ATP13A4: variants seen among roughly 807,000 people sequenced by gnomAD.
ATP13A4 encodes the protein ATPase 13A4, also known as probable cation-transporting ATPase 13A4.
Under a neutral mutation model 142.5 loss-of-function variants are expected in ATP13A4, and 114 were observed. That is an observed-to-expected ratio of 0.80 (90% CI 0.69 to 0.93). ATP13A4 has a LOEUF of 0.93. Among genes scored for constraint, ATP13A4 ranks in the 40% least tolerant of loss-of-function variants. ATP13A4 has a pLI of 0.00. For missense variants in ATP13A4, 1,392 were observed against 1,454.0 expected (o/e 0.96, Z 0.69); for synonymous variants, 488 against 514.8 (o/e 0.95, Z 0.70).
At chr3:193,490,546 A>G (rs1719888975) in intron 6 of ATP13A4, among the ~76,000 whole-genome samples, 2 of 152,160 alleles carry the variant, frequency 1.3e-5, no homozygotes, top group Non-Finnish European at 2.9e-5. Context: ...GTAGCTGTGA[A>G]CTTCAACAGC....
intron 3 of ATP13A4, among the ~76,000 whole-genome samples, chr3:193,502,164 C>T (rs1322863109): frequency 1.3e-5 from 2 of 152,048 alleles, no homozygotes; most frequent in African/African-American, 2.4e-5. Context: ...GAAAATAGAG[C>T]GAGTATGTAT....
In ATP13A4 at chr3:193,470,943, T is replaced by C; in HGVS notation, c.859A>G (p.Ile287Val). The C allele has an allele frequency of 1.2e-5, 19 of 1,614,134 alleles. No homozygotes were observed. Among genetic ancestry groups the C allele is most frequent in the Non-Finnish European group, 1.6e-5 (19 of 1,180,020 alleles). Residue 287 changes from isoleucine (I) to valine (V), a missense_variant, in exon 9 of 30, where the codon ATT becomes GTT. Ile to Val is a conservative substitution (Grantham distance 29). Transcript: ENST00000342695. The part of the protein sequence containing the change: ...SRVLVPGDLL[I>V]LTGNKVLMPC... ...ATTAGCACTTTGTTCCCTGTCAAAATTAATAAATCTCCAGGCACCAGGACG... is the reference window on the plus strand; with the variant it reads ...ATTAGCACTTTGTTCCCTGTCAAAACTAATAAATCTCCAGGCACCAGGACG...
At chr3:193,581,298 T>C (rs184360090) in intron 2 of ATP13A4, among the ~76,000 whole-genome samples, 1 of 152,288 alleles carries the variant, frequency 6.6e-6, no homozygotes, top group African/African-American at 2.4e-5. Context: ...TGTAGTGTTA[T>C]TTTTTTCCAT....
rs1560287337 is a variant in ATP13A4 at position 193,573,297 on chromosome 3, A to ATATATATGTG, written n.291+8409_291+8410insCACATATATA. ...TATACATATATATATATACACATAT[A>ATATATATGTG]TATATATATACATATATATATATAT... On this transcript the variant is annotated intron_variant and non_coding_transcript_variant, in intron 2 of 3. Coordinates refer to the ATP13A4 transcript ENST00000489140. 1.1e-3 allele frequency among the ~76,000 whole-genome samples: 115 copies of ATATATATGTG among 108,912 alleles called. 1 individual carries two copies. Among genetic ancestry groups the ATATATATGTG allele is most frequent in the Non-Finnish European group, 1.8e-3 (101 of 54,612 alleles). The allele number at this position is 108,912 out of a possible 152,430, so 71.5% of individuals were successfully genotyped here. A position where few individuals can be genotyped will look rare whatever the true frequency, so the allele number is the denominator to read the frequency against.
Position 193,506,734 on chromosome 3 carries a change from A to C in ATP13A4, c.235-4095T>G, listed in dbSNP as rs147340589. ...CTGTTCTCATGATAGTGAGTAAGTT[A>C]TCACGAGCTCTGATGGCTTTATAAG... On this transcript the variant is annotated intron_variant, in intron 2 of 29. Coordinates refer to ENST00000342695, the MANE Select transcript of ATP13A4 (RefSeq NM_032279.4). 6.5e-3 allele frequency among the ~76,000 whole-genome samples: 997 copies of C among 152,236 alleles called. 6 individuals are homozygous for C. The highest frequency in any genetic ancestry group is 0.011 in the Non-Finnish European group (755 of 68,012).
intron 25 of ATP13A4, among the ~76,000 whole-genome samples, chr3:193,427,490 C>T (rs1414978426): frequency 6.6e-6 from 1 of 152,114 alleles, no homozygotes; most frequent in Non-Finnish European, 1.5e-5. Context: ...GCCCACATTG[C>T]CAAGACAATC....
chr3:193,584,525 CA>C (rs1196848583), intron 1 of ATP13A4, among the ~76,000 whole-genome samples: 1 of 152,142 alleles, frequency 6.6e-6, no homozygotes, highest in Non-Finnish European at 1.5e-5. Flanking sequence ...ACACAGCACA[CA>C]AGGCTCTTTG....
Position 193,475,848 on chromosome 3 carries a change from TA to T in ATP13A4, c.809-4856del, listed in dbSNP as rs145428493. Reference sequence around the variant, plus strand: ...GTTACAAACAGGAAAAAAAGAATTCTAAAACCATCTTAAATTGTTTTTAGGA... The same window carrying T: ...GTTACAAACAGGAAAAAAAGAATTCTAAACCATCTTAAATTGTTTTTAGGA... On this transcript the variant is annotated intron_variant, in intron 8 of 29. Transcript: ENST00000342695. Among the ~76,000 whole-genome samples the T allele has an allele frequency of 4.3e-3, 647 of 152,164 alleles. 2 individuals carry two copies. The highest frequency in any genetic ancestry group is 8.0e-3 in the Non-Finnish European group (541 of 68,004).
chr3:193,480,017 G>A (rs1161979318), intron 8 of ATP13A4, among the ~76,000 whole-genome samples: 2 of 152,048 alleles, frequency 1.3e-5, no homozygotes, highest in East Asian at 1.9e-4. Context: ...AGTGGTGAAA[G>A]GTCACCCTAG....
At chr3:193,457,878 T>G (rs1390867511) in intron 14 of ATP13A4, among the ~76,000 whole-genome samples, 1 of 152,210 alleles carries the variant, frequency 6.6e-6, no homozygotes, top group Non-Finnish European at 1.5e-5. Flanking sequence ...GGATGGATGG[T>G]TCTCAGGGCT....
At chr3:193,442,335 G>A in intron 19 of ATP13A4, 58 bp downstream of exon 19, 1 of 1,564,566 alleles carries the variant, frequency 6.4e-7, no homozygotes, top group South Asian at 1.1e-5. Flanking sequence ...AAGCTGCTCA[G>A]TCACCAACAC....
At chr3:193,449,694 C>T (rs189786522) in intron 17 of ATP13A4, among the ~76,000 whole-genome samples, 1 of 152,352 alleles carries the variant, frequency 6.6e-6, no homozygotes, top group Admixed American at 6.5e-5. Context: ...TAGACATTTG[C>T]TTTAGACTGC....
intron 1 of ATP13A4, among the ~76,000 whole-genome samples, chr3:193,527,909 T>C (rs1367134030): frequency 6.6e-6 from 1 of 152,158 alleles, no homozygotes; most frequent in Non-Finnish European, 1.5e-5. Context: ...GGTATTTCTC[T>C]ACAGAACTAC....
At chr3:193,451,156 T>C (rs375582807) in intron 17 of ATP13A4, among the ~76,000 whole-genome samples, 37 of 152,272 alleles carry the variant, frequency 2.4e-4, no homozygotes, top group East Asian at 1.4e-3. Flanking sequence ...GCCTTCCCTA[T>C]TGAAGTGCAT....
intron 3 of ATP13A4, among the ~76,000 whole-genome samples, chr3:193,497,119 C>G (rs1048638098): frequency 6.6e-6 from 1 of 152,032 alleles, no homozygotes; most frequent in Non-Finnish European, 1.5e-5. Flanking sequence ...AATAACTAAC[C>G]AAGTGAAAAG....
chr3:193,578,857 T>C (rs547556383), intron 2 of ATP13A4: 47 of 158,408 alleles, frequency 3.0e-4, no homozygotes, highest in Admixed American at 2.3e-3. Flanking sequence ...CAAATACTAT[T>C]GTGGCTGGGT....
intron 1 of ATP13A4, among the ~76,000 whole-genome samples, chr3:193,528,195 A>C (rs1315077014): frequency 6.6e-6 from 1 of 152,220 alleles, no homozygotes; most frequent in Non-Finnish European, 1.5e-5. Flanking sequence ...AGCATGTCAC[A>C]TGCGAGAACC....
At chr3:193,489,454 T>C (rs1719821339) in intron 7 of ATP13A4, among the ~76,000 whole-genome samples, 1 of 152,172 alleles carries the variant, frequency 6.6e-6, no homozygotes, top group Non-Finnish European at 1.5e-5. Context: ...TTTCACATAT[T>C]CACAATTCAT....
At chr3:193,588,436 T>G (rs1724705955) in intron 1 of ATP13A4, among the ~76,000 whole-genome samples, 1 of 152,234 alleles carries the variant, frequency 6.6e-6, no homozygotes, top group Admixed American at 6.5e-5. Context: ...CAATTGACTT[T>G]GGCTTCAACC....
Sources: gnomAD v4.1 joint callset for allele counts (sites outside exome capture counted in the v4.1 genomes callset) on GRCh38, gnomAD v4.1.1 for gene constraint, MANE v1.5 for transcripts, NCBI Gene and HGNC (gene_info 2026-07-23, HGNC 2026-07-21) for gene names.